The following ADAMTS19 variants were observed in gnomAD, a reference collection of about 807,000 sequenced individuals.
ADAMTS19 encodes ADAM metallopeptidase with thrombospondin type 1 motif 19, also known as A disintegrin and metalloproteinase with thrombospondin motifs 19.
ADAMTS19 carries 93 observed loss-of-function variants against 153.3 expected under a neutral mutation model. The observed-to-expected ratio is 0.61, with a 90% CI of 0.51 to 0.72. The LOEUF (loss-of-function observed/expected upper bound fraction) is 0.72, where lower values mean the gene tolerates loss of function less well. Among genes scored for constraint, ADAMTS19 ranks in the 30% least tolerant of loss-of-function variants. The probability of loss-of-function intolerance (pLI) is 0.00; values close to 1 mark genes in which losing one functional copy is unlikely to be tolerated. For synonymous variants in ADAMTS19, 600 were observed against 556.6 expected, an observed-to-expected ratio of 1.08 and a Z score of -1.10; for missense variants, 1,482 against 1,552.1, an observed-to-expected ratio of 0.95 and a Z score of 0.76.
intron 16 of ADAMTS19, among the ~76,000 whole-genome samples, chr5:129,673,227 A>C (rs1313183449): frequency 6.6e-6 from 1 of 151,908 alleles, no homozygotes; most frequent in East Asian, 1.9e-4. Context: ...TTGGGTTTAT[A>C]TTTATTTTTT....
intron 21 of ADAMTS19, among the ~76,000 whole-genome samples, chr5:129,709,996 A>T (rs1195269978): frequency 6.7e-6 from 1 of 149,936 alleles, no homozygotes; most frequent in African/African-American, 2.5e-5. Flanking sequence ...AAGTTCCGGG[A>T]TACATGTGCA....
At chr5:129,539,764 A>C (rs983385072) in intron 6 of ADAMTS19, among the ~76,000 whole-genome samples, 4 of 152,118 alleles carry the variant, frequency 2.6e-5, no homozygotes, top group Admixed American at 1.3e-4. Context: ...GGTAGATTAA[A>C]AAGTACTTGC....
chr5:129,461,063 G>A lies in ADAMTS19; in HGVS notation c.92-39G>A. ...AAATGTTTGTGCTACTGGAACCGCG[G>A]CACTTTAAGCCCCGCACTTCTGTCT... On this transcript the variant is annotated intron_variant, in intron 1 of 22. Transcript: ENST00000274487. The surrounding 1 kb of genome is among the most constrained non-coding windows in gnomAD (Gnocchi z 4.6). The A allele has an allele frequency of 3.0e-6, 4 of 1,333,428 alleles. No individual in the cohort carries two copies. Among genetic ancestry groups the A allele is most frequent in the African/African-American group, 1.5e-5 (1 of 65,170 alleles). 82.6% of individuals were successfully genotyped at this position (1,333,428 alleles called of 1,614,324 possible). A position where few individuals can be genotyped will look rare whatever the true frequency, so the allele number is the denominator to read the frequency against.
At chr5:129,466,750 A>G (rs1196482302) in intron 2 of ADAMTS19, among the ~76,000 whole-genome samples, 1 of 152,228 alleles carries the variant, frequency 6.6e-6, no homozygotes, top group Non-Finnish European at 1.5e-5. Flanking sequence ...ACATGCCGTT[A>G]TACGCTACCT....
At chr5:129,580,485 G>A (rs1749460806) in intron 7 of ADAMTS19, among the ~76,000 whole-genome samples, 1 of 152,170 alleles carries the variant, frequency 6.6e-6, no homozygotes, top group Non-Finnish European at 1.5e-5. Context: ...TAGGAGTAGT[G>A]AAAGAGGGCA....
chr5:129,609,098 T>A (rs568505497), intron 8 of ADAMTS19, among the ~76,000 whole-genome samples: 2 of 152,316 alleles, frequency 1.3e-5, no homozygotes, highest in East Asian at 3.9e-4. Context: ...CATTGTACTC[T>A]TTAGAATTTT....
At chr5:129,718,400 C>A (rs1231391524) in intron 21 of ADAMTS19, among the ~76,000 whole-genome samples, 1 of 151,960 alleles carries the variant, frequency 6.6e-6, no homozygotes, top group Non-Finnish European at 1.5e-5. Flanking sequence ...AAAAAAACAC[C>A]CTCAAATGCC....
intron 21 of ADAMTS19, among the ~76,000 whole-genome samples, chr5:129,707,008 GAAAGA>G (rs1279980910): frequency 3.9e-5 from 6 of 152,186 alleles, no homozygotes; most frequent in Admixed American, 3.3e-4. Context: ...TGTGAGTGAG[GAAAGA>G]AAAGAATAGC....
chr5:129,479,641 G>A (rs748529739), intron 2 of ADAMTS19, among the ~76,000 whole-genome samples: 59 of 152,038 alleles, frequency 3.9e-4, no homozygotes, highest in Non-Finnish European at 7.4e-4. Flanking sequence ...GTACAAATAC[G>A]AGTTTTTTTA....
chr5:129,598,275 T>C (rs370179577), intron 8 of ADAMTS19, among the ~76,000 whole-genome samples: 28 of 152,136 alleles, frequency 1.8e-4, no homozygotes, highest in African/African-American at 6.5e-4. Context: ...TCTTTCTCAG[T>C]TCATCAGAGG....
chr5:129,664,037 T>C (rs1432321504), intron 15 of ADAMTS19, among the ~76,000 whole-genome samples: 1 of 152,174 alleles, frequency 6.6e-6, no homozygotes, highest in Non-Finnish European at 1.5e-5. Flanking sequence ...GTTCTCTCCT[T>C]TGAATCATAG....
intron 20 of ADAMTS19, among the ~76,000 whole-genome samples, chr5:129,702,719 CA>C (rs1471299446): frequency 6.6e-6 from 1 of 151,594 alleles, no homozygotes; most frequent in African/African-American, 2.4e-5. Context: ...ACATGAGCAT[CA>C]GAGAAACAAA....
intron 8 of ADAMTS19, among the ~76,000 whole-genome samples, chr5:129,614,009 A>G (rs1186932865): frequency 1.3e-5 from 2 of 152,140 alleles, no homozygotes; most frequent in Non-Finnish European, 2.9e-5. Context: ...CTCTGAATAG[A>G]CCAATAACAG....
chr5:129,548,567 C>T (rs1581070539), intron 6 of ADAMTS19, among the ~76,000 whole-genome samples: 1 of 151,412 alleles, frequency 6.6e-6, no homozygotes, highest in East Asian at 1.9e-4. Context: ...AACACTTTTA[C>T]ACTGTTGTTG....
chr5:129,471,199 A>G (rs1028077109), intron 2 of ADAMTS19, among the ~76,000 whole-genome samples: 1 of 152,038 alleles, frequency 6.6e-6, no homozygotes, highest in Non-Finnish European at 1.5e-5. Flanking sequence ...TGAAGTTAAA[A>G]AGAATCTAAG....
intron 7 of ADAMTS19, among the ~76,000 whole-genome samples, chr5:129,561,677 ATAT>A (rs1753523719): frequency 6.6e-6 from 1 of 152,182 alleles, no homozygotes; most frequent in African/African-American, 2.4e-5. Context: ...ACACTCTATT[ATAT>A]TAATATCTAT....
intron 6 of ADAMTS19, among the ~76,000 whole-genome samples, chr5:129,541,537 T>A (rs1413172814): frequency 6.6e-6 from 1 of 152,018 alleles, no homozygotes; most frequent in Non-Finnish European, 1.5e-5. Context: ...TTTGGGTGTT[T>A]CCTTCTCCAT....
At chr5:129,531,182 G>T (rs1561554400) in intron 6 of ADAMTS19, among the ~76,000 whole-genome samples, 1 of 152,140 alleles carries the variant, frequency 6.6e-6, no homozygotes, top group Admixed American at 6.5e-5. Context: ...ATTATTAAAT[G>T]TCAGTTTTCT....
intron 3 of ADAMTS19, among the ~76,000 whole-genome samples, chr5:129,522,332 C>CACACACACACACACACACACACATAT (rs1309115957): frequency 1.7e-5 from 1 of 58,626 alleles, no homozygotes; most frequent in African/African-American, 8.9e-5. Context: ...CACACACACA[C>CACACACACACACACACACACACATAT]ATATATATAT....
Sources: allele counts gnomAD v4.1 joint callset (sites outside exome capture counted in the v4.1 genomes callset), GRCh38; gene constraint gnomAD v4.1.1; non-coding constraint Gnocchi (gnomAD v3.1); transcripts MANE v1.5; gene names NCBI Gene and HGNC (gene_info 2026-07-23, HGNC 2026-07-21).